GCA: variants seen among roughly 807,000 people sequenced by gnomAD.
GCA encodes the protein grancalcin, EF-hand calcium-binding protein.
A neutral mutation model predicts 32.6 loss-of-function variants in GCA; 30 were observed. The ratio of observed to expected loss-of-function variants is 0.92; its 90% CI spans 0.69 to 1.25. The LOEUF (loss-of-function observed/expected upper bound fraction) is 1.25. Among genes scored for constraint, GCA ranks in the 50% most tolerant of loss-of-function variants. The probability of loss-of-function intolerance (pLI) is 0.00; values close to 1 mark genes in which losing one functional copy is unlikely to be tolerated. For synonymous variants in GCA, 102 were observed against 84.6 expected, an observed-to-expected ratio of 1.21 and a Z score of -1.13; for missense variants, 291 against 266.8, an observed-to-expected ratio of 1.09 and a Z score of -0.63.
At chr2:162,365,509 A>G (rs1170021940), downstream of GCA, among the ~76,000 whole-genome samples, 3 of 151,680 alleles carry the variant, frequency 2.0e-5, no homozygotes, top group African/African-American at 7.2e-5. Context: ...CATAAAAACT[A>G]GGAAATAGTA....
chr2:162,325,001 A>C (rs1683825651), intron 1 of GCA, among the ~76,000 whole-genome samples: 1 of 152,212 alleles, frequency 6.6e-6, no homozygotes, highest in Non-Finnish European at 1.5e-5. Flanking sequence ...ATGGGAGAAA[A>C]AAAAAACAAG....
intron 2 of GCA, among the ~76,000 whole-genome samples, chr2:162,351,028 C>T (rs1684968969): frequency 6.6e-6 from 1 of 152,018 alleles, no homozygotes; most frequent in African/African-American, 2.4e-5. Context: ...TTTGATGGGC[C>T]TCATAATTAA....
intron 2 of GCA, among the ~76,000 whole-genome samples, chr2:162,351,795 T>A (rs1049620051): frequency 6.6e-6 from 1 of 152,180 alleles, no homozygotes; most frequent in Non-Finnish European, 1.5e-5. Flanking sequence ...ATTTCTTGTT[T>A]GCATTTTAAA....
At chr2:162,352,446 G>A (rs1685051917) in intron 3 of GCA, 39 bp downstream of exon 3, 1 of 1,199,344 alleles carries the variant, frequency 8.3e-7, no homozygotes, top group Non-Finnish European at 1.2e-6. Flanking sequence ...ATTATAATAG[G>A]AAGTTTATTT....
At chr2:162,337,714 G>C (rs1054685438) in intron 1 of GCA, among the ~76,000 whole-genome samples, 1 of 152,176 alleles carries the variant, frequency 6.6e-6, no homozygotes, top group African/African-American at 2.4e-5. Flanking sequence ...TGTACCAGGA[G>C]AGTACTAAGT....
intron 1 of GCA, among the ~76,000 whole-genome samples, chr2:162,326,371 T>C (rs2105261822): frequency 6.6e-6 from 1 of 152,206 alleles, no homozygotes; most frequent in South Asian, 2.1e-4. Flanking sequence ...CTACAAGGCA[T>C]TTTTCCTCCA....
At chr2:162,354,483 A>G (rs1460228458) in intron 3 of GCA, among the ~76,000 whole-genome samples, 2 of 152,192 alleles carry the variant, frequency 1.3e-5, no homozygotes, top group African/African-American at 4.8e-5. Flanking sequence ...ATAAAATTCC[A>G]GATTTCTGCT....
At chr2:162,337,631 C>A (rs1040299581) in intron 1 of GCA, among the ~76,000 whole-genome samples, 3 of 152,116 alleles carry the variant, frequency 2.0e-5, no homozygotes, top group East Asian at 1.9e-4. Flanking sequence ...ATTAATTGGG[C>A]TCATTATACC....
chr2:162,368,322 T>A (rs1208942815), intron 4 of GCA, among the ~76,000 whole-genome samples: 2 of 151,992 alleles, frequency 1.3e-5, no homozygotes, highest in African/African-American at 4.8e-5. Context: ...CATAGATAAG[T>A]AATTTACATA....
At chr2:162,351,562 A>G (rs968305219) in intron 2 of GCA, among the ~76,000 whole-genome samples, 4 of 152,180 alleles carry the variant, frequency 2.6e-5, no homozygotes, top group African/African-American at 9.6e-5. Flanking sequence ...AGTGTTAATA[A>G]TATTTCTTAG....
chr2:162,319,950 C>A (rs193217196), intron 1 of GCA, among the ~76,000 whole-genome samples: 11 of 152,266 alleles, frequency 7.2e-5, no homozygotes, highest in Admixed American at 5.9e-4. Context: ...TCCAAATGAG[C>A]ACTTTATGGT....
At chr2:162,364,366 T>C (rs1685686482), downstream of GCA, among the ~76,000 whole-genome samples, 1 of 151,542 alleles carries the variant, frequency 6.6e-6, no homozygotes, top group South Asian at 2.1e-4. Context: ...TTCTGAACTT[T>C]TGGATGCATA....
At chr2:162,319,446 CA>C (rs914837196) in intron 1 of GCA, 4 of 230,238 alleles carry the variant, frequency 1.7e-5, no homozygotes, top group South Asian at 4.6e-5. Flanking sequence ...TAAAACAAAA[CA>C]AAAAAATCCC....
intron 1 of GCA, among the ~76,000 whole-genome samples, chr2:162,324,784 C>T (rs1173111262): frequency 1.3e-5 from 2 of 152,190 alleles, no homozygotes; most frequent in South Asian, 4.1e-4. Flanking sequence ...ACTTCCATAT[C>T]ATTTATCCCC....
At chr2:162,350,353 TAG>T (rs1240436283) in intron 2 of GCA, among the ~76,000 whole-genome samples, 1 of 152,182 alleles carries the variant, frequency 6.6e-6, no homozygotes, top group Non-Finnish European at 1.5e-5. Flanking sequence ...TGGAAAAATG[TAG>T]AGACTGATGA....
chr2:162,333,297 T>C (rs1305594266), intron 1 of GCA, among the ~76,000 whole-genome samples: 1 of 152,146 alleles, frequency 6.6e-6, no homozygotes, highest in Non-Finnish European at 1.5e-5. Flanking sequence ...CACCTATTTA[T>C]TAAGATCACA....
chr2:162,365,536 G>A (rs1034445942), downstream of GCA, among the ~76,000 whole-genome samples: 2 of 151,724 alleles, frequency 1.3e-5, no homozygotes, highest in African/African-American at 4.8e-5. Flanking sequence ...TTGGTAGATT[G>A]TTTCATTTTG....
At chr2:162,336,907 T>C (rs551456159) in intron 1 of GCA, among the ~76,000 whole-genome samples, 1 of 152,294 alleles carries the variant, frequency 6.6e-6, no homozygotes, top group East Asian at 1.9e-4. Context: ...ATATAATTAC[T>C]CTATAAATAT....
chr2:162,352,246 T>C, intron 2 of GCA, 92 bp from the exon 3 acceptor site: 1 of 741,402 alleles, frequency 1.3e-6, no homozygotes, highest in East Asian at 2.5e-5. Context: ...AAAGAATGCA[T>C]ATGTCTTGAT....
Sources: gnomAD v4.1 joint callset for allele counts (sites outside exome capture counted in the v4.1 genomes callset) on GRCh38, gnomAD v4.1.1 for gene constraint, MANE v1.5 for transcripts, NCBI Gene and HGNC (gene_info 2026-07-23, HGNC 2026-07-21) for gene names.